ZCCHC7: variants seen among roughly 807,000 people sequenced by gnomAD.
ZCCHC7 encodes the protein zinc finger CCHC domain-containing protein 7.
In ZCCHC7, 35 loss-of-function variants were observed where a neutral mutation model predicts 52.0. The ratio of observed to expected loss-of-function variants is 0.67; its 90% CI spans 0.51 to 0.89. The LOEUF (loss-of-function observed/expected upper bound fraction) is 0.89. ZCCHC7 is among the 40% of genes least tolerant of loss of function. ZCCHC7 has a pLI of 0.00. For missense variants in ZCCHC7, 574 were observed against 649.1 expected (o/e 0.88, Z 1.26); for synonymous variants, 217 against 221.5 (o/e 0.98, Z 0.18).
intron 6 of ZCCHC7, among the ~76,000 whole-genome samples, chr9:37,345,904 A>C (rs995990773): frequency 6.6e-6 from 1 of 152,166 alleles, no homozygotes; most frequent in Non-Finnish European, 1.5e-5. Context: ...TTGTTTTGCT[A>C]CAGTTTTTCA....
chr9:37,240,582 T>C (rs887418003), intron 2 of ZCCHC7, among the ~76,000 whole-genome samples: 8 of 151,960 alleles, frequency 5.3e-5, no homozygotes, highest in Admixed American at 5.2e-4. Context: ...AGAAATCTTT[T>C]ATTTTTCTTG....
chr9:37,303,145 C>G (rs1829113510), intron 3 of ZCCHC7, among the ~76,000 whole-genome samples: 2 of 152,022 alleles, frequency 1.3e-5, no homozygotes, highest in African/African-American at 4.8e-5. Context: ...CAGTGGCTGG[C>G]CGGGCGTGGT....
intron 3 of ZCCHC7, among the ~76,000 whole-genome samples, chr9:37,302,897 C>G (rs1030091113): frequency 6.6e-6 from 1 of 152,012 alleles, no homozygotes; most frequent in African/African-American, 2.4e-5. Context: ...TAAAAGGATT[C>G]CAGTGGAAAG....
At chr9:37,298,023 C>T (rs308492) in intron 2 of ZCCHC7, among the ~76,000 whole-genome samples, 54,823 of 152,052 alleles carry the variant, frequency 0.36, 10,246 homozygotes, top group Middle Eastern at 0.45. Context: ...GCATCTCCAA[C>T]AAAATACAAG....
intron 2 of ZCCHC7, among the ~76,000 whole-genome samples, chr9:37,243,924 G>T (rs1210764670): frequency 6.6e-6 from 1 of 151,792 alleles, no homozygotes; most frequent in Non-Finnish European, 1.5e-5. Context: ...CTGTAAAATT[G>T]TATGGTCTGA....
intron 2 of ZCCHC7, among the ~76,000 whole-genome samples, chr9:37,145,454 A>C (rs1241241142): frequency 6.6e-6 from 1 of 151,922 alleles, no homozygotes; most frequent in Non-Finnish European, 1.5e-5. Context: ...ATCGTTCAGA[A>C]GGGGCACATA....
chr9:37,173,629 C>T (rs1289248370), intron 2 of ZCCHC7, among the ~76,000 whole-genome samples: 1 of 152,092 alleles, frequency 6.6e-6, no homozygotes, highest in Non-Finnish European at 1.5e-5. Flanking sequence ...TGGGGGAGAT[C>T]ATTAAAGAAT....
intron 5 of ZCCHC7, among the ~76,000 whole-genome samples, chr9:37,310,677 G>A (rs80338089): frequency 0.013 from 1,967 of 152,108 alleles, 44 homozygotes; most frequent in African/African-American, 0.043. Context: ...TCTCCTACTC[G>A]GAGGATCTCT....
intron 2 of ZCCHC7, among the ~76,000 whole-genome samples, chr9:37,219,705 A>G (rs556013935): frequency 3.9e-4 from 59 of 152,386 alleles, no homozygotes; most frequent in African/African-American, 1.3e-3. Flanking sequence ...ATTATAGGAC[A>G]TTTTAAGATA....
Position 37,207,270 on chromosome 9 carries a change from C to CT in ZCCHC7, c.610+80335dup, listed in dbSNP as rs34701676. 8.5e-3 allele frequency among the ~76,000 whole-genome samples: 1,295 copies of CT among 152,116 alleles called. 5 individuals carry two copies. The highest frequency in any genetic ancestry group is 0.016 in the African/African-American group (661 of 41,484). ...TGGAGCATATAATCTCATTTGAAAG[C>CT]TTTTTTTAGCACTTGCAATGTGTAT... On this transcript the variant is annotated intron_variant, in intron 2 of 8. Coordinates refer to ENST00000336755, the MANE Select transcript of ZCCHC7 (RefSeq NM_032226.3).
chr9:37,288,768 C>T (rs1054929275), intron 2 of ZCCHC7, among the ~76,000 whole-genome samples: 8 of 152,156 alleles, frequency 5.3e-5, no homozygotes, highest in Non-Finnish European at 1.2e-4. Context: ...GGTTACGGGG[C>T]ACTGACCTAT....
intron 2 of ZCCHC7, among the ~76,000 whole-genome samples, chr9:37,288,437 A>G (rs1828368026): frequency 1.3e-5 from 2 of 151,444 alleles, no homozygotes; most frequent in Admixed American, 1.3e-4. Flanking sequence ...CTTCTATACC[A>G]AGTCATGTCT....
intron 6 of ZCCHC7, among the ~76,000 whole-genome samples, chr9:37,341,232 C>T (rs993008341): frequency 7.9e-5 from 12 of 152,064 alleles, no homozygotes; most frequent in Non-Finnish European, 1.6e-4. Flanking sequence ...AATAAGGAAG[C>T]TGTATTATTA....
At chr9:37,120,821 A>AT in intron 1 of ZCCHC7, 198 bp downstream of exon 1, 1 of 269,800 alleles carries the variant, frequency 3.7e-6, no homozygotes, top group Non-Finnish European at 6.8e-6. Context: ...CTGCGGGTCT[A>AT]GGGGGTCCGC....
intron 2 of ZCCHC7, among the ~76,000 whole-genome samples, chr9:37,275,944 C>T (rs993685887): frequency 7.2e-5 from 11 of 152,210 alleles, no homozygotes; most frequent in African/African-American, 2.7e-4. Flanking sequence ...AGCCACTGTG[C>T]CCAGCTGGCA....
intron 2 of ZCCHC7, among the ~76,000 whole-genome samples, chr9:37,296,893 G>A (rs898331806): frequency 2.0e-5 from 3 of 147,582 alleles, no homozygotes; most frequent in African/African-American, 7.5e-5. Flanking sequence ...GTGTGTGTGT[G>A]TGTGTGTGTG....
intron 2 of ZCCHC7, among the ~76,000 whole-genome samples, chr9:37,222,804 C>G (rs577567099): frequency 1.3e-5 from 2 of 152,092 alleles, no homozygotes; most frequent in Admixed American, 6.5e-5. Flanking sequence ...ATAAAGTACC[C>G]TTAATCTAAT....
intron 5 of ZCCHC7, among the ~76,000 whole-genome samples, chr9:37,311,872 A>G (rs1023080459): frequency 2.0e-5 from 3 of 152,240 alleles, no homozygotes; most frequent in Non-Finnish European, 4.4e-5. Flanking sequence ...ATATATATGT[A>G]AAATTGAAAA....
chr9:37,159,223 T>G (rs1820966637), intron 2 of ZCCHC7, among the ~76,000 whole-genome samples: 1 of 152,244 alleles, frequency 6.6e-6, no homozygotes, highest in Admixed American at 6.5e-5. Context: ...GGTTAAAGAC[T>G]AAATTCAGAA....
Sources: gnomAD v4.1 joint callset for allele counts (sites outside exome capture counted in the v4.1 genomes callset) on GRCh38, gnomAD v4.1.1 for gene constraint, MANE v1.5 for transcripts, NCBI Gene and HGNC (gene_info 2026-07-23, HGNC 2026-07-21) for gene names.